MAD1L1: variants seen among roughly 807,000 people sequenced by gnomAD.
The protein encoded by MAD1L1 is mitotic spindle assembly checkpoint protein MAD1.
Under a neutral mutation model 96.9 loss-of-function variants are expected in MAD1L1, and 95 were observed. The observed-to-expected ratio is 0.98, with a 90% CI of 0.83 to 1.16. MAD1L1 has a LOEUF of 1.16. Among genes scored for constraint, MAD1L1 ranks in the 50% most tolerant of loss-of-function variants. MAD1L1 has a pLI of 0.00. For missense variants in MAD1L1, 1,007 were observed against 954.4 expected (o/e 1.06, Z -0.73); for synonymous variants, 473 against 396.6 (o/e 1.19, Z -2.29).
In MAD1L1 at chr7:2,084,802, G is replaced by A. The variant is rs547559383; in HGVS notation, c.1074-15464C>T. ...CAGGGAGGAGAAAAAGGAAGGAGCC[G>A]TGACAAATACAGGGCCAAGCACGGG... On this transcript the variant is annotated intron_variant, in intron 11 of 18. Transcript: ENST00000265854. 1.1e-3 allele frequency among the ~76,000 whole-genome samples: 162 copies of A among 152,304 alleles called. 1 individual carries two copies. The highest frequency in any genetic ancestry group is 3.7e-3 in the African/African-American group (152 of 41,560).
chr7:2,055,736 T>C (rs1252339669), intron 12 of MAD1L1, among the ~76,000 whole-genome samples: 1 of 150,308 alleles, frequency 6.7e-6, no homozygotes, highest in African/African-American at 2.5e-5. Flanking sequence ...CCCAGCACTT[T>C]GGGAGGCTGA....
intron 15 of MAD1L1, among the ~76,000 whole-genome samples, chr7:1,964,345 C>T (rs1019069893): frequency 3.3e-5 from 5 of 152,162 alleles, no homozygotes; most frequent in African/African-American, 4.8e-5. Context: ...TTGGAATGAG[C>T]GCACGCGTGT....
intron 11 of MAD1L1, among the ~76,000 whole-genome samples, chr7:2,097,235 G>A (rs979020142): frequency 4.6e-5 from 7 of 151,928 alleles, no homozygotes; most frequent in East Asian, 1.9e-4. Flanking sequence ...CCCACCCCAC[G>A]GCACCCAAGC....
chr7:2,021,021 C>T (rs191165033), intron 12 of MAD1L1, among the ~76,000 whole-genome samples: 31 of 152,100 alleles, frequency 2.0e-4, no homozygotes, highest in Non-Finnish European at 4.0e-4. Context: ...AGAAACTTCC[C>T]GTACTAAAAT....
chr7:2,102,442 CACT>C (rs1003456367), intron 11 of MAD1L1, among the ~76,000 whole-genome samples: 11 of 83,416 alleles, frequency 1.3e-4, no homozygotes, highest in Non-Finnish European at 1.9e-4. Flanking sequence ...CCCTCACCAC[CACT>C]GCTACTGTCA....
intron 12 of MAD1L1, among the ~76,000 whole-genome samples, chr7:2,058,756 A>C (rs1784496241): frequency 2.0e-5 from 2 of 98,668 alleles, no homozygotes; most frequent in African/African-American, 4.0e-5. Flanking sequence ...AGAGGAGAGA[A>C]GCAGGGCTGG....
intron 18 of MAD1L1, among the ~76,000 whole-genome samples, chr7:1,883,609 C>T (rs567814119): frequency 6.6e-6 from 1 of 152,338 alleles, no homozygotes; most frequent in Non-Finnish European, 1.5e-5. Flanking sequence ...CTCCAACCTC[C>T]TCAGGCACAA....
At chr7:1,886,476 G>A (rs577748645) in intron 18 of MAD1L1, among the ~76,000 whole-genome samples, 20 of 152,348 alleles carry the variant, frequency 1.3e-4, no homozygotes, top group Non-Finnish European at 1.3e-4. Context: ...CTCGATTCAT[G>A]AGTCGACACC....
intron 11 of MAD1L1, among the ~76,000 whole-genome samples, chr7:2,082,466 G>T (rs1785702695): frequency 6.6e-6 from 1 of 152,204 alleles, no homozygotes; most frequent in Non-Finnish European, 1.5e-5. Flanking sequence ...TGCTGTCGGA[G>T]CCGTGACTTC....
At chr7:2,222,428 T>A (rs1234699614) in intron 5 of MAD1L1, 147 bp downstream of exon 5, 4 of 618,904 alleles carry the variant, frequency 6.5e-6, no homozygotes, top group Non-Finnish European at 1.0e-5. Flanking sequence ...AAATTAATAC[T>A]TCTACTGATG....
At chr7:2,108,870 G>C (rs1247515654) in intron 11 of MAD1L1, among the ~76,000 whole-genome samples, 1 of 152,238 alleles carries the variant, frequency 6.6e-6, no homozygotes, top group South Asian at 2.1e-4. Flanking sequence ...CCCGATCCAC[G>C]ATCAGTTCCA....
chr7:2,165,615 G>C (rs561433261), intron 10 of MAD1L1, among the ~76,000 whole-genome samples: 1 of 137,100 alleles, frequency 7.3e-6, no homozygotes, highest in East Asian at 1.9e-4. Flanking sequence ...ACTCTGCGCC[G>C]TGTTTCACTA....
intron 14 of MAD1L1, among the ~76,000 whole-genome samples, chr7:2,001,356 G>C (rs929773825): frequency 1.3e-5 from 2 of 152,266 alleles, no homozygotes; most frequent in African/African-American, 4.8e-5. Context: ...AGCATGGAGG[G>C]AACCTACACT....
intron 10 of MAD1L1, chr7:2,201,771 C>A (rs1003102963): frequency 3.3e-5 from 5 of 152,330 alleles, no homozygotes; most frequent in Non-Finnish European, 5.9e-5. Flanking sequence ...GGAAGCCCTT[C>A]TCTCGCCTCT....
chr7:2,036,425 A>C (rs1266640090), intron 12 of MAD1L1, among the ~76,000 whole-genome samples: 1 of 152,252 alleles, frequency 6.6e-6, no homozygotes, highest in Non-Finnish European at 1.5e-5. Context: ...GGGGAACCAG[A>C]GCTCCAGCCT....
intron 10 of MAD1L1, among the ~76,000 whole-genome samples, chr7:2,162,334 T>G (rs979850926): frequency 6.6e-6 from 1 of 152,140 alleles, no homozygotes; most frequent in African/African-American, 2.4e-5. Flanking sequence ...CACTCAGGGT[T>G]AAATGGATTA....
At chr7:1,951,950 C>T (rs114008407) in intron 16 of MAD1L1, among the ~76,000 whole-genome samples, 191 of 152,266 alleles carry the variant, frequency 1.3e-3, no homozygotes, top group African/African-American at 4.2e-3. Flanking sequence ...TGGGCATGTA[C>T]GCAGCGGTGG....
Position 2,086,637 on chromosome 7 carries a change from C to T in MAD1L1, c.1074-17299G>A, listed in dbSNP as rs1785934458. ...TGGCACGCTCTCGGCTCACTGCAACCTCCGCCTCCCAGGTTCAAGCAATTC... is the reference window on the plus strand; with the variant it reads ...TGGCACGCTCTCGGCTCACTGCAACTTCCGCCTCCCAGGTTCAAGCAATTC... On this transcript the variant is annotated intron_variant, in intron 11 of 18. Coordinates refer to ENST00000265854, the MANE Select transcript of MAD1L1 (RefSeq NM_001013836.2). 4.6e-5 allele frequency among the ~76,000 whole-genome samples: 7 copies of T among 152,232 alleles called. No homozygotes were observed. The South Asian group carries it at 1.4e-3, about 32-fold the overall frequency.
At chr7:2,033,706 C>T (rs774173257) in intron 12 of MAD1L1, among the ~76,000 whole-genome samples, 4 of 152,230 alleles carry the variant, frequency 2.6e-5, no homozygotes, top group African/African-American at 9.6e-5. Context: ...GAGGGCTGCA[C>T]GCTACACCTG....
Sources: allele counts gnomAD v4.1 joint callset (sites outside exome capture counted in the v4.1 genomes callset), GRCh38; gene constraint gnomAD v4.1.1; transcripts MANE v1.5; gene names NCBI Gene and HGNC (gene_info 2026-07-23, HGNC 2026-07-21).